The following UBE2E2 variants were observed in gnomAD, a reference collection of about 807,000 sequenced individuals.
UBE2E2 encodes the protein ubiquitin-conjugating enzyme E2 E2.
Under a neutral mutation model 24.7 loss-of-function variants are expected in UBE2E2, and 6 were observed. The observed-to-expected ratio is 0.24, with a 90% CI of 0.13 to 0.48. The LOEUF is 0.48. Among genes scored for constraint, UBE2E2 ranks in the 20% least tolerant of loss-of-function variants. The probability of loss-of-function intolerance (pLI) is 0.99; values close to 1 mark genes in which losing one functional copy is unlikely to be tolerated. For missense variants in UBE2E2, 169 were observed against 245.0 expected (o/e 0.69, Z 2.07); for synonymous variants, 104 against 83.6 (o/e 1.24, Z -1.33).
chr3:23,503,515 G>A (rs1172512701), intron 4 of UBE2E2, among the ~76,000 whole-genome samples: 1 of 152,010 alleles, frequency 6.6e-6, no homozygotes, highest in African/African-American at 2.4e-5. Context: ...TTTTGCTGGG[G>A]ATTAGCTTTT....
intron 5 of UBE2E2, among the ~76,000 whole-genome samples, chr3:23,570,115 A>G (rs1163892211): frequency 6.6e-6 from 1 of 151,702 alleles, no homozygotes; most frequent in East Asian, 1.9e-4. Context: ...TCTTCTTTCT[A>G]CTCCATCAAA....
chr3:23,290,641 A>G, intron 3 of UBE2E2, among the ~76,000 whole-genome samples: 1 of 152,118 alleles, frequency 6.6e-6, no homozygotes, highest in East Asian at 1.9e-4. Context: ...AGCAAAGGAC[A>G]AGCTTATCAT....
intron 3 of UBE2E2, among the ~76,000 whole-genome samples, chr3:23,246,536 T>C (rs1465193436): frequency 6.6e-6 from 1 of 151,652 alleles, no homozygotes; most frequent in Non-Finnish European, 1.5e-5. Flanking sequence ...TGCCCGGCCA[T>C]GCCTGGCTAA....
At chr3:23,211,423 T>C (rs1380452159) in intron 2 of UBE2E2, among the ~76,000 whole-genome samples, 2 of 151,298 alleles carry the variant, frequency 1.3e-5, no homozygotes, top group Admixed American at 1.3e-4. Flanking sequence ...TTTTTTTTTT[T>C]TGAGGCAGAG....
chr3:23,257,122 T>C lies in UBE2E2; in HGVS notation c.227+39810T>C, dbSNP rs201127390. On this transcript the variant is annotated intron_variant, in intron 3 of 5. Coordinates refer to ENST00000396703, the MANE Select transcript of UBE2E2 (RefSeq NM_152653.4). ...GGATGTAGCTTGTGGGAGAAGCTAT[T>C]GTAATAAGTTCTTCTGAACCACAGC... Among the ~76,000 whole-genome samples the C allele has an allele frequency of 1.1e-4, 17 of 152,352 alleles. No individual in the cohort carries two copies. The East Asian group carries it at 3.3e-3, about 29-fold the overall frequency.
At chr3:23,544,130 C>G (rs1695460090) in intron 5 of UBE2E2, among the ~76,000 whole-genome samples, 1 of 152,152 alleles carries the variant, frequency 6.6e-6, no homozygotes, top group African/African-American at 2.4e-5. Context: ...CTAGGAAAAA[C>G]TCTTTTGGGC....
intron 5 of UBE2E2, among the ~76,000 whole-genome samples, chr3:23,550,057 T>A (rs2125497997): frequency 6.6e-6 from 1 of 151,678 alleles, no homozygotes; most frequent in Non-Finnish European, 1.5e-5. Flanking sequence ...AGCAATTTCA[T>A]TCTCAGCATA....
intron 5 of UBE2E2, among the ~76,000 whole-genome samples, chr3:23,556,453 T>TAAAAAAAAAAAAAAAAAAAAAA (rs1321819270): frequency 4.3e-5 from 3 of 69,000 alleles, no homozygotes; most frequent in African/African-American, 6.5e-5. Flanking sequence ...TAAAATTTAT[T>TAAAAAAAAAAAAAAAAAAAAAA]TAAAAAAAAA....
intron 3 of UBE2E2, among the ~76,000 whole-genome samples, chr3:23,455,485 A>G (rs1389216968): frequency 1.3e-5 from 2 of 152,140 alleles, no homozygotes; most frequent in African/African-American, 4.8e-5. Context: ...TGGGAGGCAA[A>G]TGCAGGAGGA....
intron 3 of UBE2E2, among the ~76,000 whole-genome samples, chr3:23,477,118 A>G (rs763052112): frequency 4.6e-5 from 7 of 151,102 alleles, no homozygotes; most frequent in Admixed American, 1.3e-4. Context: ...ATAAATTGTT[A>G]GCCTAAAATA....
intron 3 of UBE2E2, among the ~76,000 whole-genome samples, chr3:23,299,301 T>G (rs886516740): frequency 6.6e-6 from 1 of 152,226 alleles, no homozygotes; most frequent in African/African-American, 2.4e-5. Flanking sequence ...TGCTCTGATT[T>G]TAGTTATTTC....
chr3:23,498,588 T>G (rs2125455081), intron 3 of UBE2E2, among the ~76,000 whole-genome samples: 1 of 152,290 alleles, frequency 6.6e-6, no homozygotes, highest in East Asian at 1.9e-4. Context: ...TATGAGTACT[T>G]TTCAATAAGT....
intron 3 of UBE2E2, among the ~76,000 whole-genome samples, chr3:23,231,513 T>A (rs1023806419): frequency 6.6e-6 from 1 of 152,178 alleles, no homozygotes; most frequent in African/African-American, 2.4e-5. Context: ...AGCCAGATGT[T>A]TGGGGGTTTC....
Position 23,262,454 on chromosome 3 carries a change from G to GT in UBE2E2, c.227+45149dup, listed in dbSNP as rs577528918. On this transcript the variant is annotated intron_variant, in intron 3 of 5. Coordinates refer to ENST00000396703, the MANE Select transcript of UBE2E2 (RefSeq NM_152653.4). ...CACCACACCCAGCTAATTAAAAAAT[G>GT]TTTTTTTGTGGAGATGCGGTCTCAT... Among the ~76,000 whole-genome samples the GT allele has an allele frequency of 2.2e-3, 342 of 152,068 alleles. 3 individuals carry two copies. The highest frequency in any genetic ancestry group is 7.8e-3 in the African/African-American group (323 of 41,490).
chr3:23,382,925 C>A (rs1263995427), intron 3 of UBE2E2, among the ~76,000 whole-genome samples: 1 of 151,768 alleles, frequency 6.6e-6, no homozygotes, highest in Admixed American at 6.6e-5. Context: ...AGGTAAGAGT[C>A]AGGAGGAATA....
intron 3 of UBE2E2, among the ~76,000 whole-genome samples, chr3:23,291,044 G>A (rs951153118): frequency 2.0e-5 from 3 of 148,282 alleles, no homozygotes; most frequent in Admixed American, 6.8e-5. Context: ...CCTCCAGCCT[G>A]GGAGACAGAG....
intron 3 of UBE2E2, among the ~76,000 whole-genome samples, chr3:23,250,090 C>G (rs1295122912): frequency 5.9e-5 from 9 of 152,106 alleles, no homozygotes; most frequent in African/African-American, 1.9e-4. Context: ...GTTCTGGGAG[C>G]TTTATGGATG....
At chr3:23,421,713 C>T (rs948404221) in intron 3 of UBE2E2, among the ~76,000 whole-genome samples, 1 of 152,220 alleles carries the variant, frequency 6.6e-6, no homozygotes, top group Non-Finnish European at 1.5e-5. Flanking sequence ...GCCTGGAGGC[C>T]ATTGTCTTAA....
At chr3:23,327,990 T>C (rs568807865) in intron 3 of UBE2E2, among the ~76,000 whole-genome samples, 7 of 152,348 alleles carry the variant, frequency 4.6e-5, no homozygotes, top group East Asian at 1.9e-4. Context: ...TATGTACTTA[T>C]TGTACATATT....
Sources: gnomAD v4.1 joint callset for allele counts (sites outside exome capture counted in the v4.1 genomes callset) on GRCh38, gnomAD v4.1.1 for gene constraint, MANE v1.5 for transcripts, NCBI Gene and HGNC (gene_info 2026-07-23, HGNC 2026-07-21) for gene names.